Variants in TBC1D5 observed in about 807,000 individuals in gnomAD.
The protein encoded by TBC1D5 is TBC1 domain family, member 5.
Under a neutral mutation model 100.3 loss-of-function variants are expected in TBC1D5, and 75 were observed. The ratio of observed to expected loss-of-function variants is 0.75; its 90% CI spans 0.62 to 0.91. TBC1D5 has a LOEUF of 0.91. TBC1D5 is among the 40% of genes least tolerant of loss of function. The probability of loss-of-function intolerance (pLI) is 0.00; values close to 1 mark genes in which losing one functional copy is unlikely to be tolerated. For synonymous variants in TBC1D5, 323 were observed against 325.6 expected (o/e 0.99, Z 0.09); for missense variants, 910 against 942.4 (o/e 0.97, Z 0.45).
At chr3:17,231,030 AT>A (rs964258461) in intron 17 of TBC1D5, among the ~76,000 whole-genome samples, 2 of 151,890 alleles carry the variant, frequency 1.3e-5, no homozygotes, top group Non-Finnish European at 2.9e-5. Flanking sequence ...GTAGAGACTC[AT>A]TTTTTTTCTG....
intron 15 of TBC1D5, among the ~76,000 whole-genome samples, chr3:17,275,947 C>T (rs929583347): frequency 1.8e-4 from 27 of 152,176 alleles, no homozygotes; most frequent in African/African-American, 5.8e-4. Context: ...GGGTTTTCCA[C>T]ATAGGTGTAT....
intron 4 of TBC1D5, among the ~76,000 whole-genome samples, chr3:17,422,557 G>C (rs1175323571): frequency 1.3e-5 from 2 of 152,006 alleles, no homozygotes; most frequent in Non-Finnish European, 2.9e-5. Flanking sequence ...AGTGTGACTA[G>C]AACCCAGATT....
In TBC1D5 at chr3:17,229,354, A is replaced by G. The variant is rs993440375; in HGVS notation, c.1588+8809T>C. Reference sequence around the variant, plus strand: ...GAAAGACATGCATCTTGCTGTCACAAGAGTGAACAGACACAGGTTGTACTT... The same window carrying G: ...GAAAGACATGCATCTTGCTGTCACAGGAGTGAACAGACACAGGTTGTACTT... On this transcript the variant is annotated intron_variant, in intron 17 of 21. Transcript: ENST00000253692. Among the ~76,000 whole-genome samples the G allele has an allele frequency of 2.0e-5, 3 of 152,178 alleles. No homozygotes were observed. The South Asian group carries it at 6.2e-4, about 31-fold the overall frequency.
chr3:17,741,800 A>ATTTTTTTTTT (rs779385615), upstream of TBC1D5, among the ~76,000 whole-genome samples: 4 of 47,956 alleles, frequency 8.3e-5, no homozygotes, highest in African/African-American at 1.9e-4. Context: ...CTCCCTGCGA[A>ATTTTTTTTTT]TTTTTTTTTT....
chr3:17,336,022 T>A (rs1227336598), intron 13 of TBC1D5, among the ~76,000 whole-genome samples: 1 of 152,150 alleles, frequency 6.6e-6, no homozygotes, highest in Non-Finnish European at 1.5e-5. Context: ...CCACCATTTC[T>A]CAGGGTTTAC....
At chr3:17,703,302 G>A (rs1220008785) in intron 1 of TBC1D5, among the ~76,000 whole-genome samples, 1 of 151,324 alleles carries the variant, frequency 6.6e-6, no homozygotes, top group Non-Finnish European at 1.5e-5. Flanking sequence ...AAAAAGGTAG[G>A]CTTTAAAAAA....
intron 3 of TBC1D5, among the ~76,000 whole-genome samples, chr3:17,504,917 A>G (rs559646306): frequency 6.6e-6 from 1 of 152,206 alleles, no homozygotes. Flanking sequence ...TAAATTACCA[A>G]TTTCTTCATT....
chr3:17,238,154 T>C lies in TBC1D5; in HGVS notation c.1588+9A>G, dbSNP rs754664328. ...TGTTTTCTTTAGATTTACTAGTATT[T>C]TTTCCTACCTTTGTTCAATTGCACA... On this transcript the variant is annotated intron_variant, in intron 17 of 21. Transcript: ENST00000253692. 1 of 1,609,596 alleles carries C rather than the reference T, an allele frequency of 6.2e-7. No individual in the cohort carries two copies. The highest frequency in any genetic ancestry group is 1.7e-5 in the Admixed American group (1 of 59,464).
chr3:17,303,837 T>TG (rs2083116632), intron 14 of TBC1D5, among the ~76,000 whole-genome samples: 1 of 59,926 alleles, frequency 1.7e-5, no homozygotes, highest in Admixed American at 1.4e-4. Flanking sequence ...CTACCTCTTT[T>TG]TTTTTTTTTT....
At chr3:17,374,218 C>T (rs1030282851) in intron 12 of TBC1D5, among the ~76,000 whole-genome samples, 1 of 151,912 alleles carries the variant, frequency 6.6e-6, no homozygotes, top group Admixed American at 6.6e-5. Context: ...TGTAACGAAG[C>T]ACTTATGCTG....
chr3:17,445,096 T>C (rs2094755061), intron 3 of TBC1D5, among the ~76,000 whole-genome samples: 1 of 152,196 alleles, frequency 6.6e-6, no homozygotes, highest in Non-Finnish European at 1.5e-5. Flanking sequence ...TCAGTGGACA[T>C]ATGGCAACCC....
intron 2 of TBC1D5, among the ~76,000 whole-genome samples, chr3:17,548,194 A>G (rs2096437333): frequency 6.6e-6 from 1 of 152,156 alleles, no homozygotes; most frequent in African/African-American, 2.4e-5. Context: ...ACGTGCCTGT[A>G]GTCCCAGCTA....
At chr3:17,264,806 T>TATC (rs2078684360) in intron 15 of TBC1D5, among the ~76,000 whole-genome samples, 1 of 152,180 alleles carries the variant, frequency 6.6e-6, no homozygotes, top group South Asian at 2.1e-4. Flanking sequence ...ACCAGGCACT[T>TATC]GATAAGAACT....
intron 2 of TBC1D5, among the ~76,000 whole-genome samples, chr3:17,592,633 T>A (rs1049217971): frequency 6.6e-6 from 1 of 152,178 alleles, no homozygotes; most frequent in African/African-American, 2.4e-5. Context: ...TTGAATGGGG[T>A]CCAGAACAGG....
At chr3:17,477,384 C>T (rs140211325) in intron 3 of TBC1D5, among the ~76,000 whole-genome samples, 220 of 152,024 alleles carry the variant, frequency 1.4e-3, no homozygotes, top group African/African-American at 5.2e-3. Context: ...ATACCAGTCA[C>T]GTAATATAAA....
At chr3:17,573,031 T>C (rs1171472486) in intron 2 of TBC1D5, among the ~76,000 whole-genome samples, 2 of 152,144 alleles carry the variant, frequency 1.3e-5, no homozygotes, top group Non-Finnish European at 2.9e-5. Flanking sequence ...AGTGATTCCA[T>C]GTACATATCT....
intron 3 of TBC1D5, among the ~76,000 whole-genome samples, chr3:17,453,470 C>T (rs1365176743): frequency 6.6e-6 from 1 of 151,682 alleles, no homozygotes; most frequent in East Asian, 1.9e-4. Flanking sequence ...AAAAAGAAAA[C>T]ACTATAACAG....
intron 3 of TBC1D5, among the ~76,000 whole-genome samples, 179 bp downstream of exon 3, chr3:17,508,295 T>C (rs1011864890): frequency 7.2e-5 from 11 of 152,252 alleles, no homozygotes; most frequent in African/African-American, 9.6e-5. Context: ...CTGTGGCTTG[T>C]TGAAGTATTC....
At chr3:17,686,730 T>G (rs545776768) in intron 1 of TBC1D5, among the ~76,000 whole-genome samples, 16 of 152,110 alleles carry the variant, frequency 1.1e-4, no homozygotes, top group Non-Finnish European at 1.8e-4. Context: ...TGTTAAAGCA[T>G]GGGTTCTCAA....
Sources: gnomAD v4.1 joint callset for allele counts (sites outside exome capture counted in the v4.1 genomes callset) on GRCh38, gnomAD v4.1.1 for gene constraint, MANE v1.5 for transcripts, NCBI Gene and HGNC (gene_info 2026-07-23, HGNC 2026-07-21) for gene names.